The following SHISA6 variants were observed in gnomAD, a reference collection of about 807,000 sequenced individuals.
SHISA6 encodes the protein shisa family member 6.
SHISA6 carries 22 observed loss-of-function variants against 47.9 expected under a neutral mutation model. That is an observed-to-expected ratio of 0.46 (90% CI 0.33 to 0.66). The LOEUF is 0.66. Among genes scored for constraint, SHISA6 ranks in the 30% least tolerant of loss-of-function variants. The pLI, the probability that SHISA6 is intolerant of heterozygous loss-of-function variation, is 0.02. For missense variants in SHISA6, 680 were observed against 764.6 expected (o/e 0.89, Z 1.30); for synonymous variants, 388 against 337.8 (o/e 1.15, Z -1.63).
intron 2 of SHISA6, among the ~76,000 whole-genome samples, chr17:11,374,449 C>T (rs913009265): frequency 1.0e-4 from 15 of 150,120 alleles, no homozygotes; most frequent in African/African-American, 3.8e-4. Flanking sequence ...TCTTATGTGA[C>T]AGTTTTTAGT....
intron 2 of SHISA6, among the ~76,000 whole-genome samples, chr17:11,309,858 A>G (rs2142185249): frequency 6.6e-6 from 1 of 152,316 alleles, no homozygotes; most frequent in South Asian, 2.1e-4. Context: ...TCAAATCTGG[A>G]ATATAAGTGT....
chr17:11,479,050 A>C (rs187196028), intron 3 of SHISA6, among the ~76,000 whole-genome samples: 1 of 152,274 alleles, frequency 6.6e-6, no homozygotes, highest in Non-Finnish European at 1.5e-5. Context: ...ATTCAATGCC[A>C]TCCCCAGTTA....
intron 3 of SHISA6, among the ~76,000 whole-genome samples, chr17:11,545,597 T>C (rs1042499407): frequency 1.3e-5 from 2 of 152,178 alleles, no homozygotes; most frequent in South Asian, 4.1e-4. Flanking sequence ...ACTATAACTC[T>C]CCCAAAATAA....
At chr17:11,249,299 C>T (rs12945831) in intron 1 of SHISA6, among the ~76,000 whole-genome samples, 120,326 of 150,512 alleles carry the variant, frequency 0.8, 50,093 homozygotes, top group South Asian at 0.91. Flanking sequence ...TGTGTGTGTG[C>T]GCGTGCGTGT....
intron 3 of SHISA6, among the ~76,000 whole-genome samples, chr17:11,406,510 C>T (rs1005046095): frequency 6.6e-6 from 1 of 152,204 alleles, no homozygotes; most frequent in African/African-American, 2.4e-5. Flanking sequence ...CCACAATTCT[C>T]GGCAACTCCT....
chr17:11,293,373 G>A (rs543541928), intron 2 of SHISA6, among the ~76,000 whole-genome samples: 1 of 152,254 alleles, frequency 6.6e-6, no homozygotes, highest in Non-Finnish European at 1.5e-5. Context: ...TTTCAAGGAC[G>A]ACTACTACAT....
intron 3 of SHISA6, among the ~76,000 whole-genome samples, chr17:11,495,210 C>G (rs1348573454): frequency 6.6e-6 from 1 of 152,158 alleles, no homozygotes; most frequent in East Asian, 1.9e-4. Flanking sequence ...CAGCCTGAGC[C>G]CTAGAGTTGG....
At chr17:11,402,819 C>T (rs1252748689) in intron 3 of SHISA6, among the ~76,000 whole-genome samples, 1 of 152,158 alleles carries the variant, frequency 6.6e-6, no homozygotes, top group Non-Finnish European at 1.5e-5. Flanking sequence ...TGAGGCAGGC[C>T]TCAGCGAGGG....
chr17:11,444,597 A>G (rs1399003613), intron 3 of SHISA6, among the ~76,000 whole-genome samples: 2 of 152,216 alleles, frequency 1.3e-5, no homozygotes, highest in African/African-American at 4.8e-5. Flanking sequence ...AAAAATGAAA[A>G]CAACAACAAT....
chr17:11,452,351 C>A (rs145233875), intron 3 of SHISA6, among the ~76,000 whole-genome samples: 16 of 152,156 alleles, frequency 1.1e-4, no homozygotes, highest in African/African-American at 3.9e-4. Context: ...GCTCACATCC[C>A]ATGCAAACAC....
intron 3 of SHISA6, among the ~76,000 whole-genome samples, chr17:11,476,972 AC>A (rs1916066302): frequency 6.6e-6 from 1 of 152,140 alleles, no homozygotes; most frequent in South Asian, 2.1e-4. Context: ...AAAAACTGTT[AC>A]GTCTTCTTTG....
chr17:11,529,109 C>T (rs1234503693), intron 3 of SHISA6, among the ~76,000 whole-genome samples: 3 of 151,632 alleles, frequency 2.0e-5, no homozygotes, highest in African/African-American at 4.9e-5. Flanking sequence ...AGGAGAATCG[C>T]GTGAACCCAG....
chr17:11,496,397 CTG>C (rs941870337), intron 3 of SHISA6, among the ~76,000 whole-genome samples: 21 of 152,202 alleles, frequency 1.4e-4, no homozygotes, highest in African/African-American at 4.8e-4. Context: ...ATGTTAGAAA[CTG>C]TGAAGCTTAG....
chr17:11,495,080 G>A (rs1418576237), intron 3 of SHISA6, among the ~76,000 whole-genome samples: 7 of 152,144 alleles, frequency 4.6e-5, no homozygotes, highest in Non-Finnish European at 7.3e-5. Context: ...GCCTGAGCAA[G>A]GTGGAATAAG....
chr17:11,453,651 A>G (rs949817236), intron 3 of SHISA6, among the ~76,000 whole-genome samples: 1 of 152,190 alleles, frequency 6.6e-6, no homozygotes, highest in Non-Finnish European at 1.5e-5. Flanking sequence ...AATATTTTTG[A>G]AATTTATTTT....
At chr17:11,476,608 A>C (rs1316374229) in intron 3 of SHISA6, among the ~76,000 whole-genome samples, 3 of 151,740 alleles carry the variant, frequency 2.0e-5, no homozygotes, top group Non-Finnish European at 4.4e-5. Flanking sequence ...TATTGATTTC[A>C]AGTTTAATTC....
intron 1 of SHISA6, among the ~76,000 whole-genome samples, chr17:11,256,268 G>T (rs1378427091): frequency 2.6e-5 from 4 of 152,168 alleles, no homozygotes; most frequent in Non-Finnish European, 5.9e-5. Context: ...GCCAAGGTTG[G>T]GTGGATCACC....
intron 3 of SHISA6, among the ~76,000 whole-genome samples, chr17:11,546,168 A>T (rs2071882135): frequency 6.6e-6 from 1 of 152,194 alleles, no homozygotes; most frequent in Admixed American, 6.5e-5. Flanking sequence ...GCCCATAGCA[A>T]CCTAGTTTAT....
intron 2 of SHISA6, among the ~76,000 whole-genome samples, chr17:11,319,897 A>G (rs571981104): frequency 7.9e-5 from 12 of 152,268 alleles, no homozygotes; most frequent in Non-Finnish European, 1.5e-4. Flanking sequence ...GTTAAAAACA[A>G]TTATGACAGC....
Sources: allele counts gnomAD v4.1 joint callset (sites outside exome capture counted in the v4.1 genomes callset), GRCh38; gene constraint gnomAD v4.1.1; transcripts MANE v1.5; gene names NCBI Gene and HGNC (gene_info 2026-07-23, HGNC 2026-07-21).